Variants in MARCHF5 observed in about 807,000 individuals in gnomAD.
MARCHF5 encodes the protein membrane associated ring-CH-type finger 5, also known as E3 ubiquitin-protein ligase MARCHF5.
MARCHF5 carries 5 observed loss-of-function variants against 36.5 expected under a neutral mutation model. That is an observed-to-expected ratio of 0.14 (90% confidence interval 0.07 to 0.29). The LOEUF (loss-of-function observed/expected upper bound fraction) is 0.29. MARCHF5 is among the 10% of genes least tolerant of loss of function. MARCHF5 has a pLI of 1.00. For missense variants in MARCHF5, 179 were observed against 336.3 expected (o/e 0.53, Z 3.66); for synonymous variants, 103 against 109.9 (o/e 0.94, Z 0.39).
At position 92,353,026 on chromosome 10, in the gene MARCHF5, A is replaced by C. The variant is rs1843736124; in HGVS notation, c.*1819A>C. On this transcript the variant is annotated 3_prime_UTR_variant, in exon 6 of 6. Coordinates refer to ENST00000358935, the MANE Select transcript of MARCHF5 (RefSeq NM_017824.5). ...AAGTTATGCAAACACACAGTTCCCC[A>C]TTTACTACATTAATGCCCTTGACAG... 6.6e-6 allele frequency: 1 copy of C among 152,460 alleles called. No homozygotes were observed. Among genetic ancestry groups the C allele is most frequent in the African/African-American group, 2.4e-5 (1 of 41,414 alleles). The allele number at this position is 152,460 out of a possible 1,614,324, so 9.4% of individuals were successfully genotyped here. A position where few individuals can be genotyped will look rare whatever the true frequency, so the allele number is the denominator to read the frequency against.
intron 1 of MARCHF5, among the ~76,000 whole-genome samples, chr10:92,306,012 A>G (rs539740376): frequency 8.5e-5 from 13 of 152,332 alleles, no homozygotes; most frequent in Admixed American, 7.2e-4. Context: ...TAACAAGATC[A>G]TTTTGGTTGC....
chr10:92,295,876 GA>G (rs974612964), intron 1 of MARCHF5, among the ~76,000 whole-genome samples: 2 of 150,810 alleles, frequency 1.3e-5, no homozygotes, highest in African/African-American at 4.9e-5. Context: ...TATATATATG[GA>G]ATTTTTTTTT....
At chr10:92,342,863 T>C (rs1023585361) in intron 3 of MARCHF5, among the ~76,000 whole-genome samples, 5 of 152,232 alleles carry the variant, frequency 3.3e-5, no homozygotes, top group Admixed American at 1.3e-4. Flanking sequence ...GCTTGGAATT[T>C]TACCTAATAT....
rs58496139 is a variant in MARCHF5 at position 92,348,185 on chromosome 10, CAAAAAAA to C, written c.370-1154_370-1148del. Among the ~76,000 whole-genome samples the C allele has an allele frequency of 3.3e-3, 397 of 121,334 alleles. 2 individuals carry two copies. Among genetic ancestry groups the C allele is most frequent in the South Asian group, 0.013 (50 of 3,876 alleles). The allele number at this position is 121,334 out of a possible 152,430, so 79.6% of individuals were successfully genotyped here. A position where few individuals can be genotyped will look rare whatever the true frequency, so the allele number is the denominator to read the frequency against. ...GCAACAAGAGCAAAAAATTCCGTCTCAAAAAAAAAAAAAAAATTTTTGGCCAGGCACG... is the reference window on the plus strand; with the variant it reads ...GCAACAAGAGCAAAAAATTCCGTCTCAAAAAAAAATTTTTGGCCAGGCACG... On this transcript the variant is annotated intron_variant, in intron 3 of 5. Coordinates refer to ENST00000358935, the MANE Select transcript of MARCHF5 (RefSeq NM_017824.5).
intron 2 of MARCHF5, among the ~76,000 whole-genome samples, chr10:92,325,023 T>A (rs1031635913): frequency 6.6e-6 from 1 of 152,200 alleles, no homozygotes; most frequent in South Asian, 2.1e-4. Context: ...TTCCTTGTTA[T>A]CTTTTACCTG....
At chr10:92,347,159 C>T (rs998171915) in intron 3 of MARCHF5, among the ~76,000 whole-genome samples, 4 of 139,982 alleles carry the variant, frequency 2.9e-5, no homozygotes, top group South Asian at 2.5e-4. Context: ...ACCTGGGAAA[C>T]GTAGCAAGAC....
rs559742956 is a variant in MARCHF5 at position 92,302,250 on chromosome 10, C to T, written c.36-8885C>T. Among the ~76,000 whole-genome samples, 6 of 152,076 alleles carry T rather than the reference C, an allele frequency of 3.9e-5. No individual in the cohort carries two copies. The South Asian group carries it at 1.0e-3, about 26-fold the overall frequency. On this transcript the variant is annotated intron_variant, in intron 1 of 5. Coordinates refer to ENST00000358935, the MANE Select transcript of MARCHF5 (RefSeq NM_017824.5). ...GTTGGAGGGCTGACTGTATTCTCAC[C>T]TTTTCTTTTTGGTAATGTGTCATGA...
chr10:92,331,929 G>GTA (rs1300033292), intron 2 of MARCHF5, among the ~76,000 whole-genome samples: 12 of 87,654 alleles, frequency 1.4e-4, no homozygotes, highest in East Asian at 3.1e-4. Context: ...TCATATATAT[G>GTA]TATATATAAT....
intron 1 of MARCHF5, among the ~76,000 whole-genome samples, chr10:92,307,579 T>TA (rs1399051115): frequency 1.3e-5 from 2 of 151,880 alleles, no homozygotes; most frequent in Non-Finnish European, 2.9e-5. Flanking sequence ...AATTTTTTTT[T>TA]AATTAGCTGT....
chr10:92,346,814 C>T (rs1489791336), intron 3 of MARCHF5, among the ~76,000 whole-genome samples: 3 of 151,994 alleles, frequency 2.0e-5, no homozygotes, highest in Non-Finnish European at 2.9e-5. Flanking sequence ...TATTCTTAAA[C>T]ACCTTATAAG....
chr10:92,316,941 A>G (rs1218342545), intron 2 of MARCHF5, among the ~76,000 whole-genome samples: 2 of 152,182 alleles, frequency 1.3e-5, no homozygotes, highest in Non-Finnish European at 2.9e-5. Context: ...TTAAAACATG[A>G]AAGGAATACC....
intron 1 of MARCHF5, among the ~76,000 whole-genome samples, chr10:92,300,586 T>A (rs2135177549): frequency 6.6e-6 from 1 of 152,312 alleles, no homozygotes; most frequent in Non-Finnish European, 1.5e-5. Context: ...CCTATTATGT[T>A]TAAGATATGC....
At chr10:92,311,708 C>G (rs1006667484) in intron 2 of MARCHF5, among the ~76,000 whole-genome samples, 2 of 152,096 alleles carry the variant, frequency 1.3e-5, no homozygotes, top group Non-Finnish European at 2.9e-5. Flanking sequence ...GTAGTATGTT[C>G]TAATACTTCT....
At chr10:92,333,821 A>G (rs1412234668) in intron 2 of MARCHF5, among the ~76,000 whole-genome samples, 1 of 152,190 alleles carries the variant, frequency 6.6e-6, no homozygotes, top group Non-Finnish European at 1.5e-5. Flanking sequence ...TTATATTGTT[A>G]AACTGTCAGT....
At chr10:92,322,065 A>G (rs1042445549) in intron 2 of MARCHF5, among the ~76,000 whole-genome samples, 12 of 151,376 alleles carry the variant, frequency 7.9e-5, no homozygotes, top group Non-Finnish European at 1.8e-4. Context: ...ACCAACATGG[A>G]AAAACCCCGT....
chr10:92,313,098 G>A (rs2135187828), intron 2 of MARCHF5, among the ~76,000 whole-genome samples: 1 of 152,212 alleles, frequency 6.6e-6, no homozygotes, highest in East Asian at 1.9e-4. Flanking sequence ...GCTGGACATG[G>A]TGGCGTGTGC....
At chr10:92,314,620 C>T (rs955379691) in intron 2 of MARCHF5, among the ~76,000 whole-genome samples, 18 of 151,416 alleles carry the variant, frequency 1.2e-4, no homozygotes, top group South Asian at 1.0e-3. Context: ...CCAGCCTGGG[C>T]GACAGAGCAA....
At chr10:92,321,725 C>T (rs1197646393) in intron 2 of MARCHF5, among the ~76,000 whole-genome samples, 1 of 152,066 alleles carries the variant, frequency 6.6e-6, no homozygotes, top group African/African-American at 2.4e-5. Context: ...TCATTACTTA[C>T]AGGTCTATTC....
At chr10:92,297,115 C>T (rs1242050479) in intron 1 of MARCHF5, among the ~76,000 whole-genome samples, 1 of 152,018 alleles carries the variant, frequency 6.6e-6, no homozygotes, top group East Asian at 1.9e-4. Context: ...TTATATTCTT[C>T]CATCCTTCTT....
Sources: gnomAD v4.1 joint callset for allele counts (sites outside exome capture counted in the v4.1 genomes callset) on GRCh38, gnomAD v4.1.1 for gene constraint, MANE v1.5 for transcripts, NCBI Gene and HGNC (gene_info 2026-07-23, HGNC 2026-07-21) for gene names.